Variants in CRLF1 observed in about 807,000 individuals in gnomAD.
The protein encoded by CRLF1 is cytokine receptor-like factor 1.
CRLF1 carries 36 observed loss-of-function variants against 48.9 expected under a neutral mutation model. That is an observed-to-expected ratio of 0.74 (90% CI 0.56 to 0.97). The LOEUF is 0.97. Among genes scored for constraint, CRLF1 ranks in the 50% least tolerant of loss-of-function variants. The pLI is 0.00. For synonymous variants in CRLF1, 256 were observed against 253.4 expected (o/e 1.01, Z -0.10); for missense variants, 534 against 575.1 (o/e 0.93, Z 0.73).
chr19:18,598,469 G>A lies in CRLF1; in HGVS notation c.660C>T (p.Ala220=), dbSNP rs148208638. ...WVEATNRLGS[A]RSDVLTLDIL... is the part of the protein sequence containing the mutation. ...TATCCAGCGTGAGTACATCGGAGCG[G>A]GCAGAGCCCAGGCGGTTGGTGGCCT... Residue 220 remains alanine (A), a synonymous_variant, in exon 4 of 9, where the codon GCC becomes GCT. Coordinates refer to ENST00000392386, the MANE Select transcript of CRLF1 (RefSeq NM_004750.5). 1.2e-6 allele frequency: 2 copies of A among 1,614,108 alleles called. No individual in the cohort carries two copies. The highest frequency in any genetic ancestry group is 1.1e-5 in the South Asian group (1 of 91,082).
intron 1 of CRLF1, among the ~76,000 whole-genome samples, chr19:18,603,863 C>A (rs1202990886): frequency 2.0e-5 from 3 of 147,276 alleles, no homozygotes; most frequent in African/African-American, 7.6e-5. Context: ...GCTGAGCGGG[C>A]CAGAGCCGAG....
intron 8 of CRLF1, 33 bp downstream of exon 8, chr19:18,594,032 T>TCTCCCC: frequency 1.4e-6 from 1 of 695,814 alleles, no homozygotes; most frequent in Non-Finnish European, 2.2e-6. Context: ...CTCCCCTTGC[T>TCTCCCC]CCCTCCCGCC....
chr19:18,598,401 G>A (rs767323724), intron 4 of CRLF1, 31 bp downstream of exon 4: 1 of 1,590,400 alleles, frequency 6.3e-7, no homozygotes, highest in South Asian at 1.1e-5. Context: ...CTGGTGCCGA[G>A]GGAGGGGCCT....
At position 18,593,407 on chromosome 19, in the gene CRLF1, G is replaced by A; in HGVS notation, c.*159C>T. 1 of 997,514 alleles carries A rather than the reference G, an allele frequency of 1.0e-6. No homozygotes were observed. Among genetic ancestry groups the A allele is most frequent in the Non-Finnish European group, 1.5e-6 (1 of 675,032 alleles). 61.8% of individuals were successfully genotyped at this position (997,514 alleles called of 1,614,324 possible). On this transcript the variant is annotated 3_prime_UTR_variant, in exon 9 of 9. Coordinates refer to ENST00000392386, the MANE Select transcript of CRLF1 (RefSeq NM_004750.5). ...GGTGCACCCAAAGGTGGCCTCACGT[G>A]GGAGTCAGAGCTGTTATGGCCGTTG...
Position 18,606,436 on chromosome 19 carries a change from C to T in CRLF1, c.115+106G>A, listed in dbSNP as rs1640324273. On this transcript the variant is annotated intron_variant, in intron 1 of 8. Coordinates refer to ENST00000392386, the MANE Select transcript of CRLF1 (RefSeq NM_004750.5). The surrounding 1 kb of genome is among the most constrained non-coding windows in gnomAD (Gnocchi z 4.8). ...TGCGCCGGGGGCGCCTTCCTTTGTT[C>T]CCCGGCCGTCCAGGTGGCGCCCGCG... 6 of 897,784 alleles carry T rather than the reference C, an allele frequency of 6.7e-6. No homozygotes were observed. In the African/African-American group the frequency reaches 1.1e-4, roughly 16 times the overall value. 55.6% of individuals were successfully genotyped at this position (897,784 alleles called of 1,614,324 possible).
At chr19:18,599,953 T>G in intron 1 of CRLF1, 107 bp from the exon 2 acceptor site, 1 of 1,192,956 alleles carries the variant, frequency 8.4e-7, no homozygotes, top group Non-Finnish European at 1.1e-6. Context: ...ACGCTGTTAA[T>G]GATTGTCCCC....
rs756689237 is a variant in CRLF1 at position 18,599,835 on chromosome 19, T to TCA, written c.125_126dup (p.Ile43Ter). The stretch of plus-strand genomic sequence containing the variant: ...AGAAGCGTGGGATCCTGGGGACTGA[T>TCA]CACAGCTGTGTCTGGGGTCAAAGAG... On this transcript the variant is annotated frameshift_variant, in exon 2 of 9. Transcript: ENST00000392386. LOFTEE classifies it high-confidence loss of function. The TCA allele has an allele frequency of 6.5e-7, 1 of 1,539,844 alleles. No individual in the cohort carries two copies. Among genetic ancestry groups the TCA allele is most frequent in the Non-Finnish European group, 8.8e-7 (1 of 1,140,464 alleles).
In CRLF1 at chr19:18,599,251, G is replaced by A. The variant is rs150987137; in HGVS notation, c.397+314C>T. On this transcript the variant is annotated intron_variant, in intron 2 of 8. Coordinates refer to ENST00000392386, the MANE Select transcript of CRLF1 (RefSeq NM_004750.5). ...CTCCCAAGTAGCTGGGATTACAGGT[G>A]CCTGTCAGCACGCCTGGCTAAGTAT... 1.3e-4 allele frequency: 53 copies of A among 401,770 alleles called. 1 individual carries two copies. The highest frequency in any genetic ancestry group is 1.1e-3 in the African/African-American group (51 of 45,950). 24.9% of individuals were successfully genotyped at this position (401,770 alleles called of 1,614,324 possible).
Position 18,594,448 on chromosome 19 carries a change from G to T in CRLF1, c.1025-14C>A. 1 of 1,389,880 alleles carries T rather than the reference G, an allele frequency of 7.2e-7. No homozygotes were observed. Among genetic ancestry groups the T allele is most frequent in the South Asian group, 1.7e-5 (1 of 59,776 alleles). The allele number at this position is 1,389,880 out of a possible 1,614,324, so 86.1% of individuals were successfully genotyped here. On this transcript the variant is annotated splice_polypyrimidine_tract_variant and intron_variant, in intron 6 of 8. Transcript: ENST00000392386. Reference sequence around the variant, plus strand: ...GGCCCGGGCGCTCTGGTGGTGGGCGGAGCGGCAGTGTCAGAGCGCGCCCGG... The same window carrying T: ...GGCCCGGGCGCTCTGGTGGTGGGCGTAGCGGCAGTGTCAGAGCGCGCCCGG...
chr19:18,593,631 A>G, intron 8 of CRLF1, 52 bp from the exon 9 acceptor site: 9 of 1,572,304 alleles, frequency 5.7e-6, no homozygotes, highest in Non-Finnish European at 7.8e-6. Flanking sequence ...AGAGGGCCGC[A>G]CCACAGAGCC....
At chr19:18,594,762 A>T (rs1440867345) in intron 6 of CRLF1, among the ~76,000 whole-genome samples, 1 of 151,850 alleles carries the variant, frequency 6.6e-6, no homozygotes. Flanking sequence ...GGGGGATGAG[A>T]CATAGAGATA....
chr19:18,598,047 CA>C, intron 4 of CRLF1, among the ~76,000 whole-genome samples: 1 of 152,174 alleles, frequency 6.6e-6, no homozygotes, highest in South Asian at 2.1e-4. Context: ...ATTCTGCTCA[CA>C]GATCATCCAT....
rs1471053361 is a variant in CRLF1, at chr19:18,606,561, C to T, written c.96G>A (p.Pro32=). 6 of 1,143,648 alleles carry T rather than the reference C, an allele frequency of 5.2e-6. No homozygotes were observed. The highest frequency in any genetic ancestry group is 8.5e-5 in the South Asian group (2 of 23,488). The allele number at this position is 1,143,648 out of a possible 1,614,324, so 70.8% of individuals were successfully genotyped here. Residue 32 remains proline, a synonymous_variant, in exon 1 of 9, where the codon CCG becomes CCA. Transcript: ENST00000392386. The surrounding 1 kb of genome is among the most constrained non-coding windows in gnomAD (Gnocchi z 4.8). ...LLLLLCVLGA[P]RAGSGAHTAV... Reference sequence around the variant, plus strand: ...ACTCACGGGCTCCTGATCCGGCTCGCGGCGCCCCGAGGACGCAGAGCAGCA... The same window carrying T: ...ACTCACGGGCTCCTGATCCGGCTCGTGGCGCCCCGAGGACGCAGAGCAGCA...
At chr19:18,598,257 T>C (rs1019255407) in intron 4 of CRLF1, among the ~76,000 whole-genome samples, 175 bp downstream of exon 4, 4 of 152,152 alleles carry the variant, frequency 2.6e-5, no homozygotes, top group Non-Finnish European at 4.4e-5. Flanking sequence ...GATGAGCGGA[T>C]GCTCAGCTAC....
At chr19:18,594,029 T>TGGGTGGG in intron 8 of CRLF1, 36 bp downstream of exon 8, 19 of 1,366,624 alleles carry the variant, frequency 1.4e-5, no homozygotes, top group South Asian at 2.5e-5. Flanking sequence ...GCCCTCCCCT[T>TGGGTGGG]GCTCCCTCCC....
intron 1 of CRLF1, among the ~76,000 whole-genome samples, chr19:18,600,162 T>A (rs1330922055): frequency 2.0e-5 from 3 of 152,074 alleles, no homozygotes; most frequent in Non-Finnish European, 2.9e-5. Flanking sequence ...CGGATCCAAG[T>A]GACTCTTGCT....
In CRLF1 at chr19:18,593,357, TCACACA is replaced by T. The variant is rs375500909; in HGVS notation, c.*203_*208del. Reference sequence around the variant, plus strand: ...GGGTTCTAGGCAACTCAACCAACCCTCACACACACACACACACCCACTGGGGTGCAC... The same window carrying T: ...GGGTTCTAGGCAACTCAACCAACCCTCACACACACACCCACTGGGGTGCAC... On this transcript the variant is annotated 3_prime_UTR_variant, in exon 9 of 9. Transcript: ENST00000392386. 9.8e-6 allele frequency: 6 copies of T among 609,536 alleles called. No homozygotes were observed. Among genetic ancestry groups the T allele is most frequent in the Non-Finnish European group, 1.4e-5 (5 of 351,384 alleles). The allele number at this position is 609,536 out of a possible 1,614,324, so 37.8% of individuals were successfully genotyped here.
Position 18,599,836 on chromosome 19 carries a change from C to T in CRLF1, c.126G>A (p.Val42=), listed in dbSNP as rs779267686. The change falls in exon 2 of 9, where the codon GTG becomes GTA. Residue 42 remains valine, a synonymous_variant. Transcript: ENST00000392386. ...PRAGSGAHTA[V]ISPQDPTLLI... ...GAAGCGTGGGATCCTGGGGACTGATCACAGCTGTGTCTGGGGTCAAAGAGG... is the reference window on the plus strand; with the variant it reads ...GAAGCGTGGGATCCTGGGGACTGATTACAGCTGTGTCTGGGGTCAAAGAGG... 1 of 1,538,792 alleles carries T rather than the reference C, an allele frequency of 6.5e-7. No homozygotes were observed. The highest frequency in any genetic ancestry group is 2.3e-5 in the East Asian group (1 of 43,746).
At position 18,598,721 on chromosome 19, in the gene CRLF1, G is replaced by A. The variant is rs1238528892; in HGVS notation, c.527+51C>T. 3 of 1,613,872 alleles carry A rather than the reference G, an allele frequency of 1.9e-6. No homozygotes were observed. The Admixed American group carries it at 5.0e-5, about 27-fold the overall frequency. ...CTCAGAGAGGGTCCGCGTTGGTCAA[G>A]GTCACGCAGCCAGCCTGGGACACAC... On this transcript the variant is annotated intron_variant, in intron 3 of 8. Transcript: ENST00000392386.
Sources: allele counts gnomAD v4.1 joint callset (sites outside exome capture counted in the v4.1 genomes callset), GRCh38; gene constraint gnomAD v4.1.1; non-coding constraint Gnocchi (gnomAD v3.1); transcripts MANE v1.5; gene names NCBI Gene and HGNC (gene_info 2026-07-23, HGNC 2026-07-21).